The following KCNK13 variants were observed in gnomAD, a reference collection of about 807,000 sequenced individuals.
KCNK13 encodes potassium channel subfamily K member 13.
Under a neutral mutation model 23.4 loss-of-function variants are expected in KCNK13, and 12 were observed. The observed-to-expected ratio is 0.51, with a 90% CI of 0.33 to 0.83. The LOEUF is 0.83. KCNK13 is among the 40% of genes least tolerant of loss of function. The pLI is 0.02. For missense variants in KCNK13, 463 were observed against 556.3 expected, an observed-to-expected ratio of 0.83 and a Z score of 1.69; for synonymous variants, 231 against 229.5, an observed-to-expected ratio of 1.01 and a Z score of -0.06.
At chr14:90,111,092 A>G (rs1889610981) in intron 1 of KCNK13, among the ~76,000 whole-genome samples, 1 of 152,016 alleles carries the variant, frequency 6.6e-6, no homozygotes, top group African/African-American at 2.4e-5. Context: ...GCCTATTAAT[A>G]CTTAATTCCC....
Position 90,144,495 on chromosome 14 carries a change from C to CTTTTTTTTTT in KCNK13, c.335-39608_335-39599dup, listed in dbSNP as rs71117323. 6.6e-4 allele frequency among the ~76,000 whole-genome samples: 79 copies of CTTTTTTTTTT among 119,222 alleles called. 2 individuals are homozygous for CTTTTTTTTTT. The highest frequency in any genetic ancestry group is 6.9e-4 in the African/African-American group (22 of 32,108). 78.2% of individuals were successfully genotyped at this position (119,222 alleles called of 152,430 possible). A position where few individuals can be genotyped will look rare whatever the true frequency, so the allele number is the denominator to read the frequency against. On this transcript the variant is annotated intron_variant, in intron 1 of 1. Transcript: ENST00000282146. ...GAGAATGAAGGCTGTTTTACTTTCT[C>CTTTTTTTTTT]TTTTTTTTTTTTTTTTTGTGAGATA...
intron 1 of KCNK13, among the ~76,000 whole-genome samples, chr14:90,081,213 G>C (rs991476247): frequency 1.3e-5 from 2 of 152,236 alleles, no homozygotes; most frequent in Non-Finnish European, 2.9e-5. Context: ...ACAAGATTGT[G>C]AGTGCGTGGT....
intron 1 of KCNK13, among the ~76,000 whole-genome samples, chr14:90,131,668 T>C (rs1188637966): frequency 1.3e-5 from 2 of 152,328 alleles, no homozygotes; most frequent in Admixed American, 6.5e-5. Flanking sequence ...GCTAGGACTA[T>C]AGGCGTAAGC....
intron 1 of KCNK13, among the ~76,000 whole-genome samples, chr14:90,179,876 G>A (rs1028887181): frequency 2.4e-4 from 36 of 152,146 alleles, no homozygotes; most frequent in Non-Finnish European, 4.9e-4. Flanking sequence ...TATATGTTTT[G>A]GTACATGAAA....
At chr14:90,139,097 G>A (rs961328966) in intron 1 of KCNK13, among the ~76,000 whole-genome samples, 10 of 152,204 alleles carry the variant, frequency 6.6e-5, no homozygotes, top group African/African-American at 2.4e-4. Context: ...CAGACATCCA[G>A]TTAGCACTGG....
Position 90,063,886 on chromosome 14 carries a change from C to T in KCNK13, c.334+1347C>T, listed in dbSNP as rs533092295. 2.4e-4 allele frequency among the ~76,000 whole-genome samples: 36 copies of T among 152,296 alleles called. 1 individual carries two copies. The East Asian group carries it at 7.0e-3, about 29-fold the overall frequency. ...AGGACCAGTATGATTAGGGACACAC[C>T]GGCTGTATCTGAAGTGCCTGGCTCC... On this transcript the variant is annotated intron_variant, in intron 1 of 1. Transcript: ENST00000282146.
At chr14:90,064,430 A>G (rs1253838550) in intron 1 of KCNK13, among the ~76,000 whole-genome samples, 1 of 152,294 alleles carries the variant, frequency 6.6e-6, no homozygotes, top group East Asian at 1.9e-4. Context: ...GTAGGTGGCC[A>G]TATAGGAACA....
chr14:90,071,844 G>A (rs371398592), intron 1 of KCNK13, among the ~76,000 whole-genome samples: 2 of 151,850 alleles, frequency 1.3e-5, no homozygotes, highest in African/African-American at 4.8e-5. Flanking sequence ...GTTGCAGTGA[G>A]CCGAGATCGC....
intron 1 of KCNK13, among the ~76,000 whole-genome samples, chr14:90,072,591 A>G (rs1472780048): frequency 1.3e-5 from 2 of 152,202 alleles, no homozygotes; most frequent in Non-Finnish European, 2.9e-5. Flanking sequence ...CTTGCTTTTT[A>G]TAGTTCACTT....
At position 90,177,986 on chromosome 14, in the gene KCNK13, G is replaced by T. The variant is rs185704308; in HGVS notation, c.335-6125G>T. On this transcript the variant is annotated intron_variant, in intron 1 of 1. Transcript: ENST00000282146. ...AATGAGGATGCCCCATATGTCAGGCGTGACTCATGCTGCAGACACACTGCA... is the reference window on the plus strand; with the variant it reads ...AATGAGGATGCCCCATATGTCAGGCTTGACTCATGCTGCAGACACACTGCA... 3.9e-3 allele frequency among the ~76,000 whole-genome samples: 601 copies of T among 152,164 alleles called. 3 individuals carry two copies. Among genetic ancestry groups the T allele is most frequent in the African/African-American group, 0.014 (581 of 41,522 alleles).
At chr14:90,169,720 C>T (rs1368245951) in intron 1 of KCNK13, among the ~76,000 whole-genome samples, 1 of 152,202 alleles carries the variant, frequency 6.6e-6, no homozygotes, top group Non-Finnish European at 1.5e-5. Flanking sequence ...TAACTCCTAG[C>T]ATACATATCC....
intron 1 of KCNK13, among the ~76,000 whole-genome samples, chr14:90,084,330 A>G (rs980005389): frequency 1.3e-5 from 2 of 152,174 alleles, no homozygotes; most frequent in Non-Finnish European, 2.9e-5. Flanking sequence ...ACAATGTTTT[A>G]TAGTTTTTTG....
intron 1 of KCNK13, among the ~76,000 whole-genome samples, chr14:90,122,691 C>G (rs1303078221): frequency 1.1e-4 from 16 of 151,542 alleles, no homozygotes; most frequent in Non-Finnish European, 1.5e-5. Context: ...CAAACTGGCC[C>G]GAGGCACTCA....
At chr14:90,094,838 G>A (rs1260699317) in intron 1 of KCNK13, among the ~76,000 whole-genome samples, 3 of 151,708 alleles carry the variant, frequency 2.0e-5, no homozygotes, top group African/African-American at 2.4e-5. Flanking sequence ...TAGTAGAGAC[G>A]GGGTTTCACC....
At chr14:90,077,874 A>G (rs1889159047) in intron 1 of KCNK13, among the ~76,000 whole-genome samples, 1 of 152,020 alleles carries the variant, frequency 6.6e-6, no homozygotes, top group Non-Finnish European at 1.5e-5. Context: ...ACTATAAGCC[A>G]CTCCCATTCC....
intron 1 of KCNK13, among the ~76,000 whole-genome samples, chr14:90,154,622 A>G (rs771120785): frequency 5.3e-5 from 8 of 152,238 alleles, no homozygotes; most frequent in South Asian, 4.1e-4. Flanking sequence ...GATAAACAGG[A>G]CCATTCAGAC....
chr14:90,090,952 C>T (rs1304606644), intron 1 of KCNK13, among the ~76,000 whole-genome samples: 1 of 152,136 alleles, frequency 6.6e-6, no homozygotes, highest in Non-Finnish European at 1.5e-5. Flanking sequence ...TCTCGGGTAC[C>T]TTTATCAGCA....
chr14:90,128,748 G>T (rs967479419), intron 1 of KCNK13, among the ~76,000 whole-genome samples: 1 of 151,992 alleles, frequency 6.6e-6, no homozygotes, highest in African/African-American at 2.4e-5. Flanking sequence ...AGCATTCTCC[G>T]AATTGAGCAA....
chr14:90,150,107 C>T (rs957966745), intron 1 of KCNK13, among the ~76,000 whole-genome samples: 3 of 152,148 alleles, frequency 2.0e-5, no homozygotes, highest in Admixed American at 1.3e-4. Context: ...TCAGAGATTT[C>T]GTGGAATTGT....
Sources: allele counts gnomAD v4.1 joint callset (sites outside exome capture counted in the v4.1 genomes callset), GRCh38; gene constraint gnomAD v4.1.1; transcripts MANE v1.5; gene names NCBI Gene and HGNC (gene_info 2026-07-23, HGNC 2026-07-21).